STAG1: variants seen among roughly 807,000 people sequenced by gnomAD.
STAG1 encodes the protein STAG1 cohesin complex component, also known as cohesin subunit SA-1.
In STAG1, 26 loss-of-function variants were observed where a neutral mutation model predicts 170.9. The observed-to-expected ratio is 0.15, with a 90% CI of 0.11 to 0.21. The LOEUF (loss-of-function observed/expected upper bound fraction) is 0.21, where lower values mean the gene tolerates loss of function less well. STAG1 is among the 10% of genes least tolerant of loss of function. STAG1 has a pLI of 1.00. For synonymous variants in STAG1, 514 were observed against 497.7 expected (o/e 1.03, Z -0.44); for missense variants, 964 against 1,509.5 (o/e 0.64, Z 5.99).
chr3:136,618,551 G>C (rs1486457495), intron 3 of STAG1, among the ~76,000 whole-genome samples: 2 of 152,102 alleles, frequency 1.3e-5, no homozygotes, highest in Admixed American at 1.3e-4. Flanking sequence ...ATAATGTTGA[G>C]AATATAGAAG....
At chr3:136,523,904 T>C (rs1483838557) in intron 6 of STAG1, among the ~76,000 whole-genome samples, 1 of 152,314 alleles carries the variant, frequency 6.6e-6, no homozygotes, top group African/African-American at 2.4e-5. Context: ...CAGATAGTTG[T>C]AGACGTGTGA....
At chr3:136,534,042 T>C (rs1559864881) in intron 6 of STAG1, among the ~76,000 whole-genome samples, 2 of 152,166 alleles carry the variant, frequency 1.3e-5, no homozygotes, top group Admixed American at 6.5e-5. Flanking sequence ...GAACAAAGTA[T>C]TGGTATAAAA....
intron 6 of STAG1, among the ~76,000 whole-genome samples, chr3:136,540,012 G>T (rs1935811257): frequency 6.6e-6 from 1 of 151,840 alleles, no homozygotes; most frequent in Non-Finnish European, 1.5e-5. Flanking sequence ...GGGACCCAAT[G>T]GTTCTTGTCA....
At chr3:136,701,618 G>C (rs1275443821) in intron 1 of STAG1, among the ~76,000 whole-genome samples, 2 of 152,078 alleles carry the variant, frequency 1.3e-5, no homozygotes, top group Non-Finnish European at 2.9e-5. Flanking sequence ...ATCTCTCTGA[G>C]CATCAATTTT....
chr3:136,523,418 T>TTG (rs774162244), intron 6 of STAG1, among the ~76,000 whole-genome samples: 5 of 151,694 alleles, frequency 3.3e-5, no homozygotes, highest in Non-Finnish European at 5.9e-5. Context: ...ATGGGGTTGT[T>TTG]TTCTTTCTTG....
chr3:136,697,458 C>T (rs1942931888), intron 1 of STAG1, among the ~76,000 whole-genome samples: 3 of 152,184 alleles, frequency 2.0e-5, no homozygotes, highest in Non-Finnish European at 2.9e-5. Context: ...TCTTTACCCT[C>T]TAAATAATTA....
chr3:136,615,486 A>AAAAC (rs1939544042), intron 3 of STAG1, among the ~76,000 whole-genome samples: 1 of 151,452 alleles, frequency 6.6e-6, no homozygotes, highest in Admixed American at 6.6e-5. Context: ...TGAATAAGAA[A>AAAAC]AAACATATTC....
At chr3:136,721,611 C>T (rs1348107340) in intron 1 of STAG1, 8 of 151,656 alleles carry the variant, frequency 5.3e-5, no homozygotes, top group African/African-American at 1.5e-4. Context: ...ACTATGGGGC[C>T]GGGCGCGGTG....
At chr3:136,626,449 C>CA (rs1940098069) in intron 2 of STAG1, among the ~76,000 whole-genome samples, 2 of 148,044 alleles carry the variant, frequency 1.4e-5, no homozygotes, top group African/African-American at 4.9e-5. Flanking sequence ...ACCAAAAAAA[C>CA]AAAAAACCAT....
chr3:136,488,832 AT>A (rs1199957214), intron 9 of STAG1, among the ~76,000 whole-genome samples: 3 of 152,354 alleles, frequency 2.0e-5, no homozygotes, highest in South Asian at 2.1e-4. Context: ...TGATATAAAC[AT>A]ATTTCCTCAT....
intron 1 of STAG1, among the ~76,000 whole-genome samples, chr3:136,738,771 A>T (rs1041880171): frequency 6.6e-6 from 1 of 152,244 alleles, no homozygotes; most frequent in Non-Finnish European, 1.5e-5. Context: ...ATACTTGAAA[A>T]TGCTGAGAAC....
intron 1 of STAG1, among the ~76,000 whole-genome samples, chr3:136,666,347 A>C (rs1288837327): frequency 6.6e-6 from 1 of 152,062 alleles, no homozygotes; most frequent in East Asian, 1.9e-4. Context: ...AGCCCTCTGA[A>C]CTTCAGACCT....
At chr3:136,510,811 T>C (rs984571813) in intron 7 of STAG1, among the ~76,000 whole-genome samples, 7 of 152,132 alleles carry the variant, frequency 4.6e-5, no homozygotes, top group East Asian at 3.9e-4. Flanking sequence ...GGAGTCTTGC[T>C]CTGTCGCCCA....
intron 16 of STAG1, among the ~76,000 whole-genome samples, chr3:136,426,696 T>C (rs984711634): frequency 6.6e-6 from 1 of 152,102 alleles, no homozygotes; most frequent in African/African-American, 2.4e-5. Context: ...CCCAGAACTT[T>C]GGGAGGCTGA....
intron 5 of STAG1, among the ~76,000 whole-genome samples, chr3:136,559,519 T>C (rs61330540): frequency 8.0e-4 from 122 of 152,284 alleles, no homozygotes; most frequent in African/African-American, 2.9e-3. Context: ...ATCCCACTGA[T>C]AGGCAAAGGA....
intron 32 of STAG1, among the ~76,000 whole-genome samples, chr3:136,339,828 A>G (rs1476427011): frequency 1.3e-5 from 2 of 152,196 alleles, no homozygotes; most frequent in Non-Finnish European, 2.9e-5. Flanking sequence ...GGTTAAGTCC[A>G]TATCTCAAAC....
chr3:136,548,882 A>T (rs944142018), intron 5 of STAG1, among the ~76,000 whole-genome samples: 1 of 152,142 alleles, frequency 6.6e-6, no homozygotes, highest in East Asian at 1.9e-4. Context: ...GTGAATTATC[A>T]TAAGATCTGG....
rs557583565 is a variant in STAG1 at position 136,528,990 on chromosome 3, A to T, written c.472-7573T>A. 1.8e-4 allele frequency among the ~76,000 whole-genome samples: 27 copies of T among 152,086 alleles called. No homozygotes were observed. In the South Asian group the frequency reaches 5.6e-3, roughly 32 times the overall value. On this transcript the variant is annotated intron_variant, in intron 6 of 33. Coordinates refer to ENST00000383202, the MANE Select transcript of STAG1 (RefSeq NM_005862.3). ...GAAAACAAACCAAAAAACCCCCACAAATTTTGGAACTGAATAATTCATTGA... is the reference window on the plus strand; with the variant it reads ...GAAAACAAACCAAAAAACCCCCACATATTTTGGAACTGAATAATTCATTGA...
chr3:136,702,173 G>C (rs1003824871), intron 1 of STAG1, among the ~76,000 whole-genome samples: 8 of 24,772 alleles, frequency 3.2e-4, no homozygotes, highest in East Asian at 2.1e-3. Flanking sequence ...ATGAGAATGT[G>C]GTGTGTGTGT....
Sources: gnomAD v4.1 joint callset for allele counts (sites outside exome capture counted in the v4.1 genomes callset) on GRCh38, gnomAD v4.1.1 for gene constraint, MANE v1.5 for transcripts, NCBI Gene and HGNC (gene_info 2026-07-23, HGNC 2026-07-21) for gene names.